OPRD1: variants seen among roughly 807,000 people sequenced by gnomAD.
The protein encoded by OPRD1 is opioid receptor delta 1, also known as delta-type opioid receptor.
OPRD1 carries 19 observed loss-of-function variants against 17.5 expected under a neutral mutation model. The observed-to-expected ratio is 1.09, with a 90% confidence interval of 0.76 to 1.60. OPRD1 has a LOEUF of 1.60. Ranked by LOEUF, OPRD1 falls within the 40% of genes most tolerant of loss-of-function variation. The pLI is 0.00. For synonymous variants in OPRD1, 256 were observed against 240.9 expected, an observed-to-expected ratio of 1.06 and a Z score of -0.58; for missense variants, 483 against 547.2, an observed-to-expected ratio of 0.88 and a Z score of 1.17.
intron 1 of OPRD1, among the ~76,000 whole-genome samples, chr1:28,833,329 G>T (rs931099619): frequency 6.6e-6 from 1 of 152,202 alleles, no homozygotes; most frequent in Non-Finnish European, 1.5e-5. Context: ...GGCCTAGAGC[G>T]TGGGCTTTGG....
intron 1 of OPRD1, among the ~76,000 whole-genome samples, chr1:28,854,740 C>T (rs1428649057): frequency 6.6e-6 from 1 of 151,986 alleles, no homozygotes; most frequent in African/African-American, 2.4e-5. Context: ...GCAACCTCCG[C>T]CTCCTGGGTG....
chr1:28,858,726 A>T (rs985019433), intron 1 of OPRD1, among the ~76,000 whole-genome samples: 5 of 151,556 alleles, frequency 3.3e-5, no homozygotes, highest in African/African-American at 1.2e-4. Flanking sequence ...TTGTATTTTT[A>T]GTAGAGATGG....
In OPRD1 at chr1:28,863,129, A is replaced by G. The variant is rs1373861303; in HGVS notation, c.965A>G (p.Asp322Gly). 2 of 1,609,732 alleles carry G rather than the reference A, an allele frequency of 1.2e-6. No homozygotes were observed. Among genetic ancestry groups the G allele is most frequent in the Non-Finnish European group, 1.7e-6 (2 of 1,179,268 alleles). The change falls in exon 3 of 3, where the codon GAC becomes GGC. Residue 322 changes from aspartate to glycine, a missense_variant. Transcript: ENST00000234961. Reference sequence around the variant, plus strand: ...AACCCCGTGCTCTACGCTTTCCTCGACGAGAACTTCAAGCGCTGCTTCCGC... The same window carrying G: ...AACCCCGTGCTCTACGCTTTCCTCGGCGAGAACTTCAAGCGCTGCTTCCGC... ...SLNPVLYAFL[D>G]ENFKRCFRQL...
chr1:28,822,114 G>A (rs1276718230), intron 1 of OPRD1, among the ~76,000 whole-genome samples: 1 of 151,828 alleles, frequency 6.6e-6, no homozygotes, highest in Non-Finnish European at 1.5e-5. Flanking sequence ...ACCATGCCCG[G>A]CTAACTTTGT....
Position 28,839,909 on chromosome 1 carries a change from A to G in OPRD1, c.228-19045A>G, listed in dbSNP as rs1173158672. On this transcript the variant is annotated intron_variant, in intron 1 of 2. Transcript: ENST00000234961. ...GGAGGGAAGAAGGACGAAAGGAGACAGTGCAAGGGGAAGGGAGGATGAGGA... is the reference window on the plus strand; with the variant it reads ...GGAGGGAAGAAGGACGAAAGGAGACGGTGCAAGGGGAAGGGAGGATGAGGA... Among the ~76,000 whole-genome samples the G allele has an allele frequency of 2.3e-4, 35 of 152,172 alleles. 1 individual carries two copies. The highest frequency in any genetic ancestry group is 2.3e-3 in the Admixed American group (35 of 15,274).
At position 28,863,060 on chromosome 1, in the gene OPRD1, C is replaced by T. The variant is rs1392781756; in HGVS notation, c.896C>T (p.Ala299Val). 2 of 1,604,436 alleles carry T rather than the reference C, an allele frequency of 1.2e-6. No homozygotes were observed. The highest frequency in any genetic ancestry group is 2.2e-5 in the East Asian group (1 of 44,508). The change falls in exon 3 of 3, where the codon GCG becomes GTG. Residue 299 changes from alanine (A) to valine (V), a missense_variant. Ala to Val is a moderately conservative substitution (Grantham distance 64, BLOSUM62 0). Coordinates refer to ENST00000234961, the MANE Select transcript of OPRD1 (RefSeq NM_000911.4). ...CGGCGCGACCCGCTGGTGGTGGCTG[C>T]GCTGCACCTGTGCATCGCGCTGGGC... ...IDRRDPLVVA[A>V]LHLCIALGYA...
intron 1 of OPRD1, among the ~76,000 whole-genome samples, chr1:28,848,284 C>A (rs757881821): frequency 6.6e-6 from 1 of 151,984 alleles, no homozygotes; most frequent in Non-Finnish European, 1.5e-5. Context: ...CCAATACCAT[C>A]ACGTTGGGAG....
rs1274193510 is a variant in OPRD1, at chr1:28,863,485, G to C, written c.*202G>C. 1 of 569,026 alleles carries C rather than the reference G, an allele frequency of 1.8e-6. No individual in the cohort carries two copies. The highest frequency in any genetic ancestry group is 2.9e-6 in the Non-Finnish European group (1 of 349,622). 35.2% of individuals were successfully genotyped at this position (569,026 alleles called of 1,614,324 possible). A position where few individuals can be genotyped will look rare whatever the true frequency, so the allele number is the denominator to read the frequency against. ...GCCTCTGGTTTGGGGCGAGGCAGAG[G>C]ACAGATCAATGGCGCAGTGCCTCTG... On this transcript the variant is annotated 3_prime_UTR_variant, in exon 3 of 3. Coordinates refer to ENST00000234961, the MANE Select transcript of OPRD1 (RefSeq NM_000911.4).
At position 28,812,318 on chromosome 1, in the gene OPRD1, C is replaced by T; in HGVS notation, c.-66C>T. On this transcript the variant is annotated 5_prime_UTR_variant, in exon 1 of 3. Coordinates refer to ENST00000234961, the MANE Select transcript of OPRD1 (RefSeq NM_000911.4). Reference sequence around the variant, plus strand: ...CCGCGGCCTCTGCCTTGCCGCTCCCCTCGCGTCGGATCCCCGCGCCCAGGG... The same window carrying T: ...CCGCGGCCTCTGCCTTGCCGCTCCCTTCGCGTCGGATCCCCGCGCCCAGGG... 1.7e-6 allele frequency: 2 copies of T among 1,161,692 alleles called. No homozygotes were observed. Among genetic ancestry groups the T allele is most frequent in the South Asian group, 3.4e-5 (1 of 29,572 alleles). 72.0% of individuals were successfully genotyped at this position (1,161,692 alleles called of 1,614,324 possible).
At chr1:28,814,571 G>A (rs1276081559) in intron 1 of OPRD1, among the ~76,000 whole-genome samples, 1 of 152,182 alleles carries the variant, frequency 6.6e-6, no homozygotes, top group Non-Finnish European at 1.5e-5. Context: ...GGAAAAAGCC[G>A]AGCGTCGGTG....
chr1:28,849,923 A>T (rs1276580392), intron 1 of OPRD1, among the ~76,000 whole-genome samples: 1 of 132,056 alleles, frequency 7.6e-6, no homozygotes. Flanking sequence ...TCTGTCGCCC[A>T]GGCTGGAGTG....
At chr1:28,815,175 C>T (rs147288809) in intron 1 of OPRD1, among the ~76,000 whole-genome samples, 3,368 of 152,300 alleles carry the variant, frequency 0.022, 56 homozygotes, top group Middle Eastern at 0.044. Flanking sequence ...TGGAGCGTCG[C>T]AATCACAGCT....
At chr1:28,833,101 C>A (rs1292660597) in intron 1 of OPRD1, among the ~76,000 whole-genome samples, 1 of 152,166 alleles carries the variant, frequency 6.6e-6, no homozygotes, top group East Asian at 1.9e-4. Flanking sequence ...GGAGACCTTG[C>A]ATGCAAAATC....
rs137908666 is a variant in OPRD1, at chr1:28,829,138, G to C, written c.227+16528G>C. On this transcript the variant is annotated intron_variant, in intron 1 of 2. Transcript: ENST00000234961. ...TGTCCCCTTGAGAATCTGTTGTTTA[G>C]TGTAGCTGCCTTCATCAGTGATCTT... 5.1e-3 allele frequency among the ~76,000 whole-genome samples: 779 copies of C among 152,276 alleles called. 7 individuals are homozygous for C. Among genetic ancestry groups the C allele is most frequent in the African/African-American group, 0.018 (749 of 41,552 alleles).
chr1:28,864,626 G>C lies in OPRD1; in HGVS notation c.*1343G>C, dbSNP rs980301864. ...AGGTGGGCTCCTGCTTCAAGGTTAGGTCTTCCAGTGGAAGGTGGATGCTTT... is the reference window on the plus strand; with the variant it reads ...AGGTGGGCTCCTGCTTCAAGGTTAGCTCTTCCAGTGGAAGGTGGATGCTTT... On this transcript the variant is annotated 3_prime_UTR_variant, in exon 3 of 3. Transcript: ENST00000234961. The C allele has an allele frequency of 1.3e-5, 2 of 152,116 alleles. No individual in the cohort carries two copies. The highest frequency in any genetic ancestry group is 4.8e-5 in the African/African-American group (2 of 41,386). The allele number at this position is 152,116 out of a possible 1,614,324, so 9.4% of individuals were successfully genotyped here.
chr1:28,824,027 A>T (rs2088740520), intron 1 of OPRD1, among the ~76,000 whole-genome samples: 1 of 151,288 alleles, frequency 6.6e-6, no homozygotes, highest in Admixed American at 6.6e-5. Context: ...AAAATAAAAA[A>T]GTTAGCCGGG....
chr1:28,817,922 G>A (rs551078902), intron 1 of OPRD1, among the ~76,000 whole-genome samples: 1 of 151,404 alleles, frequency 6.6e-6, no homozygotes, highest in African/African-American at 2.4e-5. Flanking sequence ...GTTTCACCAT[G>A]TTGGCCAGGC....
intron 1 of OPRD1, among the ~76,000 whole-genome samples, chr1:28,833,246 C>T (rs2088823239): frequency 1.3e-5 from 2 of 152,188 alleles, no homozygotes; most frequent in South Asian, 4.1e-4. Flanking sequence ...GACAGCAAAG[C>T]CCCCCATGTG....
At chr1:28,842,967 G>GAAA (rs985642016) in intron 1 of OPRD1, among the ~76,000 whole-genome samples, 1 of 149,012 alleles carries the variant, frequency 6.7e-6, no homozygotes. Flanking sequence ...AGCTACTTGG[G>GAAA]AAAAAAAAAA....
Sources: gnomAD v4.1 joint callset for allele counts (sites outside exome capture counted in the v4.1 genomes callset) on GRCh38, gnomAD v4.1.1 for gene constraint, MANE v1.5 for transcripts, NCBI Gene and HGNC (gene_info 2026-07-23, HGNC 2026-07-21) for gene names.